PHIP: variants seen among roughly 807,000 people sequenced by gnomAD.
PHIP encodes PHIP subunit of CUL4-Ring ligase complex.
PHIP carries 54 observed loss-of-function variants against 236.8 expected under a neutral mutation model. The ratio of observed to expected loss-of-function variants is 0.23; its 90% CI spans 0.18 to 0.29. PHIP has a LOEUF of 0.29. Among genes scored for constraint, PHIP ranks in the 10% least tolerant of loss-of-function variants. PHIP has a pLI of 1.00. For synonymous variants in PHIP, 756 were observed against 718.9 expected (o/e 1.05, Z -0.83); for missense variants, 1,370 against 2,190.8 (o/e 0.63, Z 7.48).
Position 78,997,515 on chromosome 6 carries a change from T to C in PHIP, c.2100A>G (p.Gln700=), listed in dbSNP as rs1430630149. 1.2e-6 allele frequency: 2 copies of C among 1,614,100 alleles called. No individual in the cohort carries two copies. The highest frequency in any genetic ancestry group is 8.5e-7 in the Non-Finnish European group (1 of 1,179,956). The change falls in exon 19 of 40, where the codon CAA becomes CAG. Residue 700 remains glutamine (Q), a synonymous_variant. Coordinates refer to ENST00000275034, the MANE Select transcript of PHIP (RefSeq NM_017934.7). ...CACTTCTTGGTGCGTTGCTGTGCAT[T>C]TGCCGTACACCTTCAATTTGTCCAC... ...RRSGQIEGVR[Q]MHSNAPRSEI...
intron 19 of PHIP, among the ~76,000 whole-genome samples, chr6:78,996,068 T>C (rs1415537872): frequency 1.3e-5 from 2 of 152,234 alleles, no homozygotes; most frequent in African/African-American, 4.8e-5. Context: ...TCAGGTTCCC[T>C]TCCATGTGCA....
At chr6:78,944,083 C>T (rs375554245) in intron 39 of PHIP, among the ~76,000 whole-genome samples, 99 of 147,914 alleles carry the variant, frequency 6.7e-4, no homozygotes, top group African/African-American at 2.0e-3. Flanking sequence ...TTAAGTGAGA[C>T]GTGAAAGGCA....
chr6:78,971,534 C>T (rs937580154), intron 24 of PHIP, among the ~76,000 whole-genome samples: 1 of 152,094 alleles, frequency 6.6e-6, no homozygotes, highest in Admixed American at 6.5e-5. Context: ...GCCAAGATGG[C>T]CGAATAGGAA....
In PHIP at chr6:79,042,964, C is replaced by T. The variant is rs1321497519; in HGVS notation, c.479G>A (p.Arg160Lys). ...LFSRKLNGKY[R>K]LERLVPTAVY... is the part of the protein sequence containing the mutation. ...TGCAGTTGGAACAAGTCGCTCAAGT[C>T]TGTATTTCCCATTCAGCTTCCTTGA... is the stretch of plus-strand genomic sequence containing the variant. Residue 160 changes from arginine (R) to lysine (K), a missense_variant, in exon 7 of 40, where the codon AGA (arginine) becomes AAA (lysine). By Grantham distance (26) the Arg-to-Lys change is conservative. Around this residue, in one of 14 missense-constraint regions of PHIP, gnomAD observed 82 missense variants for 203.2 expected, o/e 0.40. Transcript: ENST00000275034. The T allele has an allele frequency of 6.2e-7, 1 of 1,610,786 alleles. No individual in the cohort carries two copies. The highest frequency in any genetic ancestry group is 2.2e-5 in the East Asian group (1 of 44,792).
At chr6:79,077,801 C>G in intron 2 of PHIP, 54 bp downstream of exon 2, 1 of 1,073,648 alleles carries the variant, frequency 9.3e-7, no homozygotes. Context: ...GCCTCCCTCC[C>G]CCACGCCCGC....
intron 27 of PHIP, among the ~76,000 whole-genome samples, chr6:78,968,958 G>C (rs1767338951): frequency 6.6e-6 from 1 of 152,160 alleles, no homozygotes; most frequent in Non-Finnish European, 1.5e-5. Context: ...GGCTTCTACT[G>C]AATATTATTT....
chr6:79,052,484 A>T (rs1466434611), intron 6 of PHIP, among the ~76,000 whole-genome samples: 3 of 152,224 alleles, frequency 2.0e-5, no homozygotes, highest in Admixed American at 6.5e-5. Flanking sequence ...AATTCCAGTA[A>T]TAACGGGTTG....
chr6:78,997,886 A>C (rs1046467045), intron 18 of PHIP, among the ~76,000 whole-genome samples: 4 of 152,198 alleles, frequency 2.6e-5, no homozygotes, highest in South Asian at 2.1e-4. Flanking sequence ...AGAAAACTTC[A>C]TAAGAAGCAA....
chr6:78,965,612 A>C (rs901760790), intron 29 of PHIP, 91 bp downstream of exon 29: 7 of 738,316 alleles, frequency 9.5e-6, no homozygotes, highest in Non-Finnish European at 1.6e-5. Flanking sequence ...GATACTCACA[A>C]CTGTAAGTGG....
chr6:79,022,503 C>T (rs1312144582), intron 9 of PHIP, among the ~76,000 whole-genome samples: 1 of 152,044 alleles, frequency 6.6e-6, no homozygotes, highest in Admixed American at 6.6e-5. Context: ...CCCTTATCTG[C>T]CCCAGAGATA....
chr6:79,012,434 A>T (rs946872647), intron 15 of PHIP, among the ~76,000 whole-genome samples: 1 of 151,720 alleles, frequency 6.6e-6, no homozygotes, highest in Admixed American at 6.6e-5. Flanking sequence ...AATACTTCAC[A>T]TAACTTTCAC....
At chr6:79,006,774 T>C (rs926632748) in intron 15 of PHIP, among the ~76,000 whole-genome samples, 2 of 151,972 alleles carry the variant, frequency 1.3e-5, no homozygotes, top group African/African-American at 2.4e-5. Context: ...GATGAACTAT[T>C]CCTCTAATAA....
At position 78,982,907 on chromosome 6, in the gene PHIP, C is replaced by T. The variant is rs761958427; in HGVS notation, c.2748G>A (p.Lys916=). ...KDGPISPKKK[K]PKERKQKRLA... ...AAACCTTTTGTTTTCTTTCTTTGGG[C>T]TTCTTTTTCTTTGGTGATATTGGTC... Residue 916 remains lysine, a synonymous_variant, in exon 23 of 40, where the codon AAG becomes AAA. Coordinates refer to ENST00000275034, the MANE Select transcript of PHIP (RefSeq NM_017934.7). The T allele has an allele frequency of 2.6e-6, 4 of 1,564,210 alleles. No individual in the cohort carries two copies. Among genetic ancestry groups the T allele is most frequent in the Admixed American group, 2.1e-5 (1 of 47,852 alleles).
chr6:78,969,170 C>G (rs1335918211), intron 27 of PHIP, among the ~76,000 whole-genome samples: 1 of 152,150 alleles, frequency 6.6e-6, no homozygotes, highest in East Asian at 1.9e-4. Context: ...TTTCTCCTTA[C>G]AGAGCACATA....
intron 15 of PHIP, among the ~76,000 whole-genome samples, chr6:79,010,504 A>AC: frequency 9.0e-6 from 1 of 111,148 alleles, no homozygotes; most frequent in Non-Finnish European, 2.1e-5. Context: ...CCATGAAACA[A>AC]CAAAGTAAAG....
chr6:79,032,357 T>C (rs1771719478), intron 7 of PHIP, among the ~76,000 whole-genome samples: 1 of 152,204 alleles, frequency 6.6e-6, no homozygotes, highest in Non-Finnish European at 1.5e-5. Flanking sequence ...TGGAATGCTA[T>C]CTGACAGCAT....
At chr6:79,027,789 G>C (rs1479556669) in intron 7 of PHIP, among the ~76,000 whole-genome samples, 1 of 152,152 alleles carries the variant, frequency 6.6e-6, no homozygotes, top group Non-Finnish European at 1.5e-5. Context: ...TGCTTGAATA[G>C]AGTCTCACGC....
At chr6:79,075,100 T>A (rs1774083170) in intron 4 of PHIP, among the ~76,000 whole-genome samples, 1 of 152,040 alleles carries the variant, frequency 6.6e-6, no homozygotes, top group Non-Finnish European at 1.5e-5. Flanking sequence ...GTCAGAATAA[T>A]TAAAATAGAA....
intron 37 of PHIP, 141 bp from the exon 38 acceptor site, chr6:78,946,401 G>A (rs1210562647): frequency 7.2e-7 from 1 of 1,388,866 alleles, no homozygotes; most frequent in African/African-American, 1.5e-5. Context: ...TCATATGATT[G>A]TGAGCCTTTG....
Sources: gnomAD v4.1 joint callset for allele counts (sites outside exome capture counted in the v4.1 genomes callset) on GRCh38, gnomAD v4.1.1 for gene constraint, gnomAD v4.1.1 regional missense constraint, MANE v1.5 for transcripts, NCBI Gene and HGNC (gene_info 2026-07-23, HGNC 2026-07-21) for gene names.